Variants in RAB29 observed in about 807,000 individuals in gnomAD.
The protein encoded by RAB29 is RAB29, member RAS oncogene family, also known as ras-related protein Rab-29.
RAB29 carries 13 observed loss-of-function variants against 25.5 expected under a neutral mutation model. The ratio of observed to expected loss-of-function variants is 0.51; its 90% confidence interval spans 0.33 to 0.81. RAB29 has a LOEUF of 0.81. Ranked by LOEUF, RAB29 falls within the 30% of genes least tolerant of loss-of-function variation. The probability of loss-of-function intolerance (pLI) is 0.02; values close to 1 mark genes in which losing one functional copy is unlikely to be tolerated. For synonymous variants in RAB29, 88 were observed against 95.0 expected, an observed-to-expected ratio of 0.93 and a Z score of 0.43; for missense variants, 201 against 254.9, an observed-to-expected ratio of 0.79 and a Z score of 1.44.
In RAB29 at chr1:205,772,512, C is replaced by T. The variant is rs1436367657; in HGVS notation, c.180G>A (p.Gln60=). The T allele has an allele frequency of 6.2e-7, 1 of 1,614,056 alleles. No homozygotes were observed. The highest frequency in any genetic ancestry group is 1.7e-5 in the Admixed American group (1 of 60,012). The change falls in exon 3 of 6, where the codon CAG becomes CAA. Residue 60 remains glutamine (Q), a synonymous_variant. Transcript: ENST00000367139. ...CCACTTTACCTGCAATATCCCACAG[C>T]TGAAGCCGCACTATCTCGTAGTCAG... is the stretch of plus-strand genomic sequence containing the variant. ...QWSDYEIVRL[Q]LWDIAGQERF... is the part of the protein sequence containing the mutation.
chr1:205,772,420 G>A, intron 3 of RAB29, 76 bp downstream of exon 3: 3 of 1,439,822 alleles, frequency 2.1e-6, no homozygotes, highest in African/African-American at 2.8e-5. Flanking sequence ...TGGCTTTGCT[G>A]CCCCATTTTT....
Position 205,768,724 on chromosome 1 carries a change from G to C in RAB29, c.*1618C>G, listed in dbSNP as rs1038336447. On this transcript the variant is annotated 3_prime_UTR_variant, in exon 6 of 6. Transcript: ENST00000367139. ...AATTTTTCTTATTTTTAGTAGAGAC[G>C]GGGTTTCAGTATGTTGGCCAGGTTG... The C allele has an allele frequency of 1.3e-5, 2 of 151,706 alleles. No individual in the cohort carries two copies. Among genetic ancestry groups the C allele is most frequent in the African/African-American group, 2.4e-5 (1 of 41,260 alleles). The allele number at this position is 151,706 out of a possible 1,614,324, so 9.4% of individuals were successfully genotyped here.
chr1:205,772,620 T>C, intron 2 of RAB29, 53 bp from the exon 3 acceptor site: 2 of 1,515,666 alleles, frequency 1.3e-6, no homozygotes, highest in Non-Finnish European at 1.8e-6. Flanking sequence ...AAAAAATTAA[T>C]AGGGATAAAC....
rs1654865669 is a variant in RAB29, at chr1:205,769,217, TTTC to T, written c.*1122_*1124del. ...CAGTGGAGGTTGTTAACTTCTCTCTTTTCTTCTTCCATTCAGATTCCCAAAGCT... is the reference window on the plus strand; with the variant it reads ...CAGTGGAGGTTGTTAACTTCTCTCTTTTCTTCCATTCAGATTCCCAAAGCT... On this transcript the variant is annotated 3_prime_UTR_variant, in exon 6 of 6. Transcript: ENST00000367139. The T allele has an allele frequency of 6.6e-6, 1 of 152,132 alleles. No homozygotes were observed. The highest frequency in any genetic ancestry group is 2.4e-5 in the African/African-American group (1 of 41,372). The allele number at this position is 152,132 out of a possible 1,614,324, so 9.4% of individuals were successfully genotyped here. A position where few individuals can be genotyped will look rare whatever the true frequency, so the allele number is the denominator to read the frequency against.
chr1:205,772,799 C>T (rs1432640524), intron 2 of RAB29, among the ~76,000 whole-genome samples: 2 of 151,974 alleles, frequency 1.3e-5, no homozygotes, highest in East Asian at 3.9e-4. Flanking sequence ...TACTGTCAAG[C>T]TCATTTATTT....
chr1:205,770,661 A>C (rs1654942279), intron 5 of RAB29, 72 bp downstream of exon 5: 2 of 1,602,958 alleles, frequency 1.2e-6, no homozygotes, highest in East Asian at 2.2e-5. Context: ...GCTCAGAAAT[A>C]AGAAAAGAGG....
chr1:205,769,174 G>A lies in RAB29; in HGVS notation c.*1168C>T, dbSNP rs823137. On this transcript the variant is annotated 3_prime_UTR_variant, in exon 6 of 6. Coordinates refer to ENST00000367139, the MANE Select transcript of RAB29 (RefSeq NM_003929.3). ...ATGTTTCCTATGACTAAGTGCCTAC[G>A]TGTTCACAAAGTTGCCCCAGTGGAG... 0.33 allele frequency: 50,010 copies of A among 151,068 alleles called. 9,487 individuals carry two copies. The highest frequency in any genetic ancestry group is 0.43 in the Non-Finnish European group (28,998 of 67,652). 9.4% of individuals were successfully genotyped at this position (151,068 alleles called of 1,614,324 possible).
At chr1:205,772,164 AC>A (rs1655062489) in intron 3 of RAB29, among the ~76,000 whole-genome samples, 1 of 152,030 alleles carries the variant, frequency 6.6e-6, no homozygotes, top group Admixed American at 6.6e-5. Context: ...CACTATTTTT[AC>A]TGTATCTATT....
chr1:205,770,412 A>C lies in RAB29; in HGVS notation c.542T>G (p.Ile181Ser). The change falls in exon 6 of 6, where the codon ATC becomes AGC. Residue 181 changes from isoleucine (I) to serine (S), a missense_variant. Physicochemically the swap from Ile to Ser is moderately radical, Grantham distance 142 (BLOSUM62 -2). Coordinates refer to ENST00000367139, the MANE Select transcript of RAB29 (RefSeq NM_003929.3). The part of the protein sequence containing the change: ...EKMMRNSTED[I>S]MSLSTQGDYI... ...GTCCCCTTGGGTGGACAAAGACATG[A>C]TATCTTCTGTGGAATTTCTCATCAT... The C allele has an allele frequency of 1.2e-6, 2 of 1,614,198 alleles. No individual in the cohort carries two copies. Among genetic ancestry groups the C allele is most frequent in the South Asian group, 2.2e-5 (2 of 91,078 alleles).
Position 205,774,795 on chromosome 1 carries a change from T to TGCCCC in RAB29, c.124+37_124+38insGGGGC. 5 of 860,522 alleles carry TGCCCC rather than the reference T, an allele frequency of 5.8e-6. No homozygotes were observed. In the African/African-American group the frequency reaches 8.6e-5, roughly 15 times the overall value. 53.3% of individuals were successfully genotyped at this position (860,522 alleles called of 1,614,324 possible). ...GCTCGAGTCCGCGGTCGGGGCCTCC[T>TGCCCC]CCTCCCCCTCCCCCTCCCCACCCCC... On this transcript the variant is annotated intron_variant, in intron 2 of 5. Coordinates refer to ENST00000367139, the MANE Select transcript of RAB29 (RefSeq NM_003929.3).
intron 2 of RAB29, 38 bp downstream of exon 2, chr1:205,774,795 T>TCCAACCCCC: frequency 1.2e-6 from 1 of 860,520 alleles, no homozygotes; most frequent in Non-Finnish European, 1.8e-6. Context: ...CGGGGCCTCC[T>TCCAACCCCC]CCTCCCCCTC....
intron 2 of RAB29, 77 bp downstream of exon 2, chr1:205,774,756 C>A: frequency 6.8e-7 from 1 of 1,468,370 alleles, no homozygotes; most frequent in Non-Finnish European, 9.3e-7. Flanking sequence ...ATCCCCACCC[C>A]ACTTGGGTCC....
rs764024639 is a variant in RAB29, at chr1:205,774,816, C to T, written c.124+17G>A. On this transcript the variant is annotated intron_variant, in intron 2 of 5. Coordinates refer to ENST00000367139, the MANE Select transcript of RAB29 (RefSeq NM_003929.3). ...CTCCTCCTCCCCCTCCCCCTCCCCA[C>T]CCCCGAGACGTCTCACCTCCCACCG... 3 of 1,574,378 alleles carry T rather than the reference C, an allele frequency of 1.9e-6. No homozygotes were observed. Among genetic ancestry groups the T allele is most frequent in the East Asian group, 2.3e-5 (1 of 42,716 alleles).
Position 205,770,744 on chromosome 1 carries a change from A to T in RAB29, c.489T>A (p.Asn163Lys), listed in dbSNP as rs898837892. ...ETSVKENKNINEAMRVLIEKM... is the reference protein window; with the variant it reads ...ETSVKENKNIKEAMRVLIEKM... ...CATGAGCTACTTACCTCATAGCCTC[A>T]TTAATATTTTTGTTCTCCTTGACTG... The change falls in exon 5 of 6, where the codon AAT becomes AAA. Residue 163 changes from asparagine to lysine, a missense_variant. By Grantham distance (94) the Asn-to-Lys change is moderately conservative (BLOSUM62 0). Transcript: ENST00000367139. 1.2e-6 allele frequency: 2 copies of T among 1,614,204 alleles called. No homozygotes were observed. Among genetic ancestry groups the T allele is most frequent in the Non-Finnish European group, 1.7e-6 (2 of 1,180,018 alleles).
rs377322888 is a variant in RAB29, at chr1:205,771,644, C to T, written c.206G>A (p.Arg69His). The T allele has an allele frequency of 9.3e-6, 15 of 1,613,946 alleles. No homozygotes were observed. The highest frequency in any genetic ancestry group is 8.8e-5 in the South Asian group (8 of 91,084). Residue 69 changes from arginine to histidine, a missense_variant, in exon 4 of 6, where the codon CGC becomes CAC. Physicochemically the swap from Arg to His is conservative, Grantham distance 29 (BLOSUM62 0). Transcript: ENST00000367139. ...ATACAATCGTGTCATAGAGGTGAAGCGCTCCTGCCCTGGGGAGAAAGGGGA... is the reference window on the plus strand; with the variant it reads ...ATACAATCGTGTCATAGAGGTGAAGTGCTCCTGCCCTGGGGAGAAAGGGGA... ...LQLWDIAGQE[R>H]FTSMTRLYYR...
chr1:205,768,363 T>C lies in RAB29; in HGVS notation c.*1979A>G, dbSNP rs935172358. 9.2e-5 allele frequency: 14 copies of C among 152,222 alleles called. No individual in the cohort carries two copies. Among genetic ancestry groups the C allele is most frequent in the African/African-American group, 3.4e-4 (14 of 41,536 alleles). 9.4% of individuals were successfully genotyped at this position (152,222 alleles called of 1,614,324 possible). A position where few individuals can be genotyped will look rare whatever the true frequency, so the allele number is the denominator to read the frequency against. Reference sequence around the variant, plus strand: ...ATTTGTATTTGTATTTAAATGTAAATACAAAAGGTCTGGGTCTCTGTATCT... The same window carrying C: ...ATTTGTATTTGTATTTAAATGTAAACACAAAAGGTCTGGGTCTCTGTATCT... On this transcript the variant is annotated 3_prime_UTR_variant, in exon 6 of 6. Coordinates refer to ENST00000367139, the MANE Select transcript of RAB29 (RefSeq NM_003929.3).
At chr1:205,772,743 T>C (rs916605540) in intron 2 of RAB29, among the ~76,000 whole-genome samples, 176 bp from the exon 3 acceptor site, 6 of 152,286 alleles carry the variant, frequency 3.9e-5, no homozygotes, top group Middle Eastern at 3.4e-3. Flanking sequence ...TAGTGTGAGA[T>C]GGATGATTCA....
chr1:205,771,403 G>C, intron 4 of RAB29, 69 bp downstream of exon 4: 2 of 1,551,884 alleles, frequency 1.3e-6, no homozygotes, highest in East Asian at 2.2e-5. Flanking sequence ...CCCAGAATCA[G>C]AGAGCATTTT....
At chr1:205,771,706 A>G in intron 3 of RAB29, 53 bp from the exon 4 acceptor site, 1 of 1,510,388 alleles carries the variant, frequency 6.6e-7, no homozygotes, top group Non-Finnish European at 9.2e-7. Flanking sequence ...GCCTCTCCCC[A>G]TTCCTTGTAG....
Sources: allele counts gnomAD v4.1 joint callset (sites outside exome capture counted in the v4.1 genomes callset), GRCh38; gene constraint gnomAD v4.1.1; transcripts MANE v1.5; gene names NCBI Gene and HGNC (gene_info 2026-07-23, HGNC 2026-07-21).